TNRC6B: variants seen among roughly 807,000 people sequenced by gnomAD.
The protein encoded by TNRC6B is trinucleotide repeat containing adaptor 6B, also known as trinucleotide repeat-containing gene 6B protein.
A neutral mutation model predicts 203.6 loss-of-function variants in TNRC6B; 52 were observed. The observed-to-expected ratio is 0.26, with a 90% CI of 0.20 to 0.32. The LOEUF is 0.32. Among genes scored for constraint, TNRC6B ranks in the 10% least tolerant of loss-of-function variants. TNRC6B has a pLI of 1.00. For synonymous variants in TNRC6B, 838 were observed against 845.7 expected (o/e 0.99, Z 0.16); for missense variants, 1,923 against 2,286.2 (o/e 0.84, Z 3.24).
At chr22:40,300,042 G>A (rs556088700) in intron 12 of TNRC6B, among the ~76,000 whole-genome samples, 18 of 152,198 alleles carry the variant, frequency 1.2e-4, no homozygotes, top group Middle Eastern at 3.4e-3. Flanking sequence ...TAATATATTT[G>A]TCTTACTTGT....
upstream of TNRC6B, among the ~76,000 whole-genome samples, chr22:40,175,652 T>C (rs1300267718): frequency 6.6e-6 from 1 of 152,202 alleles, no homozygotes; most frequent in Non-Finnish European, 1.5e-5. Flanking sequence ...CAGTAACTCA[T>C]CTGGAAGGTA....
At chr22:40,189,590 G>C (rs2069246939) in intron 1 of TNRC6B, among the ~76,000 whole-genome samples, 1 of 152,058 alleles carries the variant, frequency 6.6e-6, no homozygotes, top group African/African-American at 2.4e-5. Context: ...CTTTAGGGTG[G>C]GAATGTGCAT....
chr22:40,259,136 A>C (rs980641345), intron 3 of TNRC6B, among the ~76,000 whole-genome samples: 1 of 152,234 alleles, frequency 6.6e-6, no homozygotes, highest in Non-Finnish European at 1.5e-5. Context: ...ACAGATAGAA[A>C]ATTAATATTA....
intron 1 of TNRC6B, among the ~76,000 whole-genome samples, chr22:40,089,228 T>G (rs1253077671): frequency 6.6e-6 from 1 of 152,146 alleles, no homozygotes; most frequent in Non-Finnish European, 1.5e-5. Context: ...GATTTCTTCA[T>G]AGACTTTTTT....
At chr22:40,080,102 T>G (rs1279090179) in intron 1 of TNRC6B, among the ~76,000 whole-genome samples, 3 of 148,746 alleles carry the variant, frequency 2.0e-5, no homozygotes, top group Non-Finnish European at 4.5e-5. Flanking sequence ...GCCTTTTTTT[T>G]TTTTTTTTTT....
At chr22:40,268,458 C>T (rs1213527644) in intron 5 of TNRC6B, among the ~76,000 whole-genome samples, 1 of 152,078 alleles carries the variant, frequency 6.6e-6, no homozygotes, top group African/African-American at 2.4e-5. Context: ...AAAATGATTA[C>T]TTTTAACTCA....
chr22:40,132,420 G>A (rs559917184), intron 3 of TNRC6B, among the ~76,000 whole-genome samples: 60 of 151,864 alleles, frequency 4.0e-4, no homozygotes, highest in African/African-American at 1.1e-3. Flanking sequence ...GGCAGAGGTT[G>A]CAGTGAGCCA....
intron 1 of TNRC6B, among the ~76,000 whole-genome samples, chr22:40,059,479 G>T (rs2067829392): frequency 6.6e-6 from 1 of 152,132 alleles, no homozygotes; most frequent in African/African-American, 2.4e-5. Flanking sequence ...AGTACTTCGA[G>T]TACCATGCTG....
chr22:40,058,546 C>CT (rs1453069627), intron 1 of TNRC6B, among the ~76,000 whole-genome samples: 1 of 152,248 alleles, frequency 6.6e-6, no homozygotes. Flanking sequence ...TCTAGACTGA[C>CT]TGACTGTACT....
chr22:40,168,793 C>T (rs1461429162), intron 4 of TNRC6B, among the ~76,000 whole-genome samples: 1 of 152,118 alleles, frequency 6.6e-6, no homozygotes, highest in Non-Finnish European at 1.5e-5. Flanking sequence ...TTTGCCTTTC[C>T]CAGGTTCTCT....
At chr22:40,193,893 G>T (rs1469957487) in intron 1 of TNRC6B, among the ~76,000 whole-genome samples, 1 of 152,174 alleles carries the variant, frequency 6.6e-6, no homozygotes, top group African/African-American at 2.4e-5. Context: ...AGAACCGGCT[G>T]CCAGCCCTAA....
chr22:40,198,858 G>C (rs1266520818), intron 1 of TNRC6B, among the ~76,000 whole-genome samples: 1 of 152,126 alleles, frequency 6.6e-6, no homozygotes, highest in East Asian at 1.9e-4. Flanking sequence ...TGGTAGTAGA[G>C]GGGGAGGGTG....
At chr22:40,141,255 G>A (rs1249210154) in intron 3 of TNRC6B, among the ~76,000 whole-genome samples, 1 of 142,728 alleles carries the variant, frequency 7.0e-6, no homozygotes, top group Non-Finnish European at 1.5e-5. Flanking sequence ...GCCCAGGCTG[G>A]AATGCAGTGG....
intron 3 of TNRC6B, among the ~76,000 whole-genome samples, chr22:40,256,576 C>T (rs1354608458): frequency 2.0e-5 from 3 of 152,042 alleles, no homozygotes; most frequent in South Asian, 2.1e-4. Context: ...TTTCACTGTC[C>T]GTAAATAAAG....
At chr22:40,282,114 A>G (rs2070727032) in intron 11 of TNRC6B, among the ~76,000 whole-genome samples, 1 of 152,246 alleles carries the variant, frequency 6.6e-6, no homozygotes, top group African/African-American at 2.4e-5. Context: ...CCTTCACCTC[A>G]GGACGTTGTG....
chr22:40,311,741 C>G (rs374227311), intron 17 of TNRC6B, among the ~76,000 whole-genome samples: 4 of 152,186 alleles, frequency 2.6e-5, no homozygotes, highest in East Asian at 1.9e-4. Context: ...CAGGGTTTCG[C>G]CATGTTGGAC....
At chr22:40,188,218 T>A (rs1278690492) in intron 1 of TNRC6B, among the ~76,000 whole-genome samples, 2 of 151,888 alleles carry the variant, frequency 1.3e-5, no homozygotes, top group Non-Finnish European at 2.9e-5. Context: ...CAAAAAAAAA[T>A]AAAACAAAAT....
chr22:40,173,633 C>T (rs555372722), upstream of TNRC6B, among the ~76,000 whole-genome samples: 7 of 150,228 alleles, frequency 4.7e-5, no homozygotes, highest in Admixed American at 3.3e-4. Context: ...TGCCCAGTCT[C>T]AAACTCTTGG....
At chr22:40,046,113 G>T (rs1284884641) in intron 1 of TNRC6B, among the ~76,000 whole-genome samples, 1 of 152,212 alleles carries the variant, frequency 6.6e-6, no homozygotes, top group Non-Finnish European at 1.5e-5. Context: ...AAAGTGTGTA[G>T]AAATGATAGA....
Sources: allele counts gnomAD v4.1 joint callset (sites outside exome capture counted in the v4.1 genomes callset), GRCh38; gene constraint gnomAD v4.1.1; transcripts MANE v1.5; gene names NCBI Gene and HGNC (gene_info 2026-07-23, HGNC 2026-07-21).